Variants in CCSER1 observed in about 807,000 individuals in gnomAD.
CCSER1 encodes coiled-coil serine rich protein 1.
A neutral mutation model predicts 82.0 loss-of-function variants in CCSER1; 41 were observed. The ratio of observed to expected loss-of-function variants is 0.50; its 90% confidence interval spans 0.39 to 0.65. The LOEUF (loss-of-function observed/expected upper bound fraction) is 0.65. Ranked by LOEUF, CCSER1 falls within the 30% of genes least tolerant of loss-of-function variation. The probability of loss-of-function intolerance (pLI) is 0.00; values close to 1 mark genes in which losing one functional copy is unlikely to be tolerated. For missense variants in CCSER1, 1,119 were observed against 1,064.2 expected (o/e 1.05, Z -0.72); for synonymous variants, 414 against 383.9 (o/e 1.08, Z -0.92).
intron 8 of CCSER1, among the ~76,000 whole-genome samples, chr4:90,843,679 G>A (rs187777305): frequency 1.7e-4 from 26 of 152,108 alleles, no homozygotes; most frequent in South Asian, 4.2e-4. Context: ...TGGATTTTCC[G>A]TATGCCTTGT....
chr4:90,262,395 G>A lies in CCSER1; in HGVS notation c.-41-45849G>A, dbSNP rs185239808. Among the ~76,000 whole-genome samples, 244 of 152,180 alleles carry A rather than the reference G, an allele frequency of 1.6e-3. 2 individuals are homozygous for A. The highest frequency in any genetic ancestry group is 5.5e-3 in the African/African-American group (229 of 41,508). On this transcript the variant is annotated intron_variant, in intron 1 of 10. Coordinates refer to ENST00000509176, the MANE Select transcript of CCSER1 (RefSeq NM_001145065.2). ...GTGCTGGCTTTCTTAGCTGCTCATT[G>A]TATTAGTTATGTACTTGATGTGTGG... is the stretch of plus-strand genomic sequence containing the variant.
chr4:90,949,986 C>A (rs1361644733), intron 9 of CCSER1, among the ~76,000 whole-genome samples: 1 of 151,996 alleles, frequency 6.6e-6, no homozygotes, highest in African/African-American at 2.4e-5. Flanking sequence ...AAAGACTAAG[C>A]CCTCTGCTAT....
chr4:90,467,590 G>A (rs527476177), intron 4 of CCSER1, among the ~76,000 whole-genome samples: 1 of 152,186 alleles, frequency 6.6e-6, no homozygotes, highest in East Asian at 1.9e-4. Context: ...GGCTGAGGAA[G>A]GAGAATCCCT....
chr4:90,664,423 A>T (rs1731348250), intron 6 of CCSER1, among the ~76,000 whole-genome samples: 1 of 152,164 alleles, frequency 6.6e-6, no homozygotes, highest in African/African-American at 2.4e-5. Context: ...CTAACGGAAA[A>T]GGGAGTTTTT....
chr4:91,047,018 G>T (rs565123337), intron 9 of CCSER1, among the ~76,000 whole-genome samples: 1 of 152,120 alleles, frequency 6.6e-6, no homozygotes, highest in South Asian at 2.1e-4. Flanking sequence ...AACTGTCAAG[G>T]CTAAGAGTTG....
chr4:90,900,007 A>C (rs1290263242), intron 8 of CCSER1, among the ~76,000 whole-genome samples: 1 of 150,934 alleles, frequency 6.6e-6, no homozygotes, highest in Admixed American at 6.6e-5. Context: ...GTTTTTAATA[A>C]TTTCAGTAAG....
At chr4:91,278,052 A>G (rs547585058) in intron 10 of CCSER1, among the ~76,000 whole-genome samples, 1 of 152,158 alleles carries the variant, frequency 6.6e-6, no homozygotes, top group African/African-American at 2.4e-5. Flanking sequence ...GATACTTGAT[A>G]TATTTCAATT....
At chr4:91,386,405 G>A (rs2149344648) in intron 10 of CCSER1, among the ~76,000 whole-genome samples, 1 of 152,150 alleles carries the variant, frequency 6.6e-6, no homozygotes, top group South Asian at 2.1e-4. Context: ...ATGGCAAATA[G>A]ATGGATTATT....
intron 1 of CCSER1, among the ~76,000 whole-genome samples, chr4:90,141,694 G>A (rs1459853985): frequency 6.6e-6 from 1 of 152,234 alleles, no homozygotes; most frequent in Non-Finnish European, 1.5e-5. Flanking sequence ...TAAAGTTGCA[G>A]AATGAAAATG....
rs979788620 is a variant in CCSER1 at position 90,153,132 on chromosome 4, G to A, written c.-42+25301G>A. Among the ~76,000 whole-genome samples, 5 of 147,760 alleles carry A rather than the reference G, an allele frequency of 3.4e-5. No homozygotes were observed. In the East Asian group the frequency reaches 6.0e-4, roughly 18 times the overall value. ...TTCCCACCTATGAGTGAGAATATGC[G>A]GTGTTTGGTATTTTGTTCTTGAGAT... On this transcript the variant is annotated intron_variant, in intron 1 of 10. Coordinates refer to ENST00000509176, the MANE Select transcript of CCSER1 (RefSeq NM_001145065.2).
At chr4:90,233,578 C>G (rs1745125800) in intron 1 of CCSER1, among the ~76,000 whole-genome samples, 1 of 151,428 alleles carries the variant, frequency 6.6e-6, no homozygotes, top group Admixed American at 6.6e-5. Flanking sequence ...ACATATGTAA[C>G]TAACCTGCAC....
intron 3 of CCSER1, among the ~76,000 whole-genome samples, chr4:90,388,639 T>C (rs765836135): frequency 1.0e-4 from 15 of 146,416 alleles, no homozygotes; most frequent in Non-Finnish European, 7.5e-5. Flanking sequence ...AATATTATGA[T>C]AATTTTTTTT....
chr4:90,166,933 A>C (rs1479724677), intron 1 of CCSER1, among the ~76,000 whole-genome samples: 1 of 152,016 alleles, frequency 6.6e-6, no homozygotes, highest in Non-Finnish European at 1.5e-5. Flanking sequence ...TTCTTTTAAA[A>C]TATCATATTT....
chr4:90,457,826 A>C (rs1276916065), intron 4 of CCSER1, among the ~76,000 whole-genome samples: 2 of 151,874 alleles, frequency 1.3e-5, no homozygotes, highest in Non-Finnish European at 2.9e-5. Flanking sequence ...CCAGGGACCC[A>C]CCTCTTTCCA....
At chr4:90,639,135 G>C (rs1044361395) in intron 6 of CCSER1, among the ~76,000 whole-genome samples, 3 of 151,516 alleles carry the variant, frequency 2.0e-5, no homozygotes, top group Non-Finnish European at 4.4e-5. Flanking sequence ...TGAAATATTT[G>C]AGATTTCTTA....
At chr4:91,519,449 G>C (rs1297608699) in intron 10 of CCSER1, among the ~76,000 whole-genome samples, 1 of 152,242 alleles carries the variant, frequency 6.6e-6, no homozygotes, top group African/African-American at 2.4e-5. Context: ...GTGGAATCAA[G>C]TCATGCAGAC....
chr4:90,380,056 C>A (rs1039857758), intron 3 of CCSER1, among the ~76,000 whole-genome samples: 1 of 152,092 alleles, frequency 6.6e-6, no homozygotes, highest in Non-Finnish European at 1.5e-5. Context: ...AGAAAGCCAA[C>A]CCTCATGATA....
At chr4:91,560,666 G>A (rs763699068) in intron 10 of CCSER1, among the ~76,000 whole-genome samples, 4 of 151,212 alleles carry the variant, frequency 2.6e-5, no homozygotes, top group Non-Finnish European at 4.4e-5. Context: ...TATATTTACC[G>A]AATTAACAAT....
chr4:90,941,469 T>A (rs1417934608), intron 9 of CCSER1, among the ~76,000 whole-genome samples: 1 of 152,112 alleles, frequency 6.6e-6, no homozygotes, highest in Non-Finnish European at 1.5e-5. Context: ...ATCATTTTCC[T>A]TAGTTACCTA....
Sources: allele counts gnomAD v4.1 joint callset (sites outside exome capture counted in the v4.1 genomes callset), GRCh38; gene constraint gnomAD v4.1.1; transcripts MANE v1.5; gene names NCBI Gene and HGNC (gene_info 2026-07-23, HGNC 2026-07-21).